The following PARN variants were observed in gnomAD, a reference collection of about 807,000 sequenced individuals.
PARN encodes the protein poly(A)-specific ribonuclease, also known as poly(A)-specific ribonuclease PARN.
PARN carries 71 observed loss-of-function variants against 102.8 expected under a neutral mutation model. That is an observed-to-expected ratio of 0.69 (90% CI 0.57 to 0.84). The LOEUF is 0.84. Among genes scored for constraint, PARN ranks in the 40% least tolerant of loss-of-function variants. PARN has a pLI of 0.00. For missense variants in PARN, 782 were observed against 760.9 expected (o/e 1.03, Z -0.33); for synonymous variants, 261 against 252.9 (o/e 1.03, Z -0.30).
At chr16:14,622,304 G>C (rs1272103890) in intron 5 of PARN, among the ~76,000 whole-genome samples, 1 of 152,140 alleles carries the variant, frequency 6.6e-6, no homozygotes. Context: ...TCTCCTTCTA[G>C]GAAATCTACA....
chr16:14,523,529 C>T (rs1965846022), intron 21 of PARN, among the ~76,000 whole-genome samples: 1 of 152,162 alleles, frequency 6.6e-6, no homozygotes, highest in Non-Finnish European at 1.5e-5. Flanking sequence ...CAAATTAGAG[C>T]AATCTCTGCT....
At chr16:14,552,406 A>AT (rs1247327284) in intron 20 of PARN, among the ~76,000 whole-genome samples, 2 of 152,212 alleles carry the variant, frequency 1.3e-5, no homozygotes, top group Non-Finnish European at 2.9e-5. Context: ...CAATACTAGG[A>AT]TTAGGGACTT....
At chr16:14,460,552 A>C (rs1056995913) in intron 22 of PARN, among the ~76,000 whole-genome samples, 2 of 152,174 alleles carry the variant, frequency 1.3e-5, no homozygotes, top group Non-Finnish European at 1.5e-5. Context: ...CTCACCTTGA[A>C]ATCAAAGAAA....
intron 18 of PARN, among the ~76,000 whole-genome samples, chr16:14,563,873 G>A (rs567453635): frequency 6.6e-6 from 1 of 151,866 alleles, no homozygotes; most frequent in African/African-American, 2.4e-5. Flanking sequence ...TGGGATTTTT[G>A]TGTTTTAAAA....
chr16:14,607,328 C>T (rs1049827129), intron 9 of PARN, among the ~76,000 whole-genome samples: 25 of 151,998 alleles, frequency 1.6e-4, no homozygotes, highest in Admixed American at 7.9e-4. Context: ...CTGCCTTTGC[C>T]TCCCAAGTAG....
At chr16:14,626,838 C>T (rs1403326910) in intron 5 of PARN, among the ~76,000 whole-genome samples, 2 of 151,786 alleles carry the variant, frequency 1.3e-5, no homozygotes, top group African/African-American at 2.4e-5. Context: ...AGGATGGTCT[C>T]GATCTCCTGA....
At chr16:14,439,914 C>A (rs1198709430) in intron 23 of PARN, among the ~76,000 whole-genome samples, 2 of 152,108 alleles carry the variant, frequency 1.3e-5, no homozygotes, top group East Asian at 3.9e-4. Flanking sequence ...ACTCAGGAGG[C>A]TGAGGCAGGA....
At chr16:14,546,031 G>A (rs1467213135) in intron 21 of PARN, among the ~76,000 whole-genome samples, 3 of 152,124 alleles carry the variant, frequency 2.0e-5, no homozygotes, top group African/African-American at 2.4e-5. Context: ...AGCCAAAAGC[G>A]TTCTTGAGAG....
intron 5 of PARN, among the ~76,000 whole-genome samples, chr16:14,622,825 C>G (rs1287643511): frequency 1.3e-5 from 2 of 152,138 alleles, no homozygotes; most frequent in African/African-American, 4.8e-5. Flanking sequence ...CAATGTAAGC[C>G]TGGCGCAGTG....
At chr16:14,443,694 T>C (rs1961058801) in intron 23 of PARN, among the ~76,000 whole-genome samples, 1 of 152,230 alleles carries the variant, frequency 6.6e-6, no homozygotes, top group Non-Finnish European at 1.5e-5. Flanking sequence ...TCAGTTGTTC[T>C]GGGATTGCTA....
At chr16:14,472,919 A>C (rs1768527054) in intron 22 of PARN, among the ~76,000 whole-genome samples, 1 of 152,188 alleles carries the variant, frequency 6.6e-6, no homozygotes, top group African/African-American at 2.4e-5. Context: ...ATACAACCAT[A>C]ATATTATACA....
At chr16:14,626,979 C>T (rs1972713295) in intron 5 of PARN, 127 bp downstream of exon 5, 2 of 648,608 alleles carry the variant, frequency 3.1e-6, no homozygotes, top group Non-Finnish European at 5.5e-6. Flanking sequence ...TACCCTAAAA[C>T]TGAAGGTCAA....
chr16:14,437,545 C>T (rs377418627), intron 23 of PARN, among the ~76,000 whole-genome samples: 2 of 152,284 alleles, frequency 1.3e-5, no homozygotes, highest in South Asian at 2.1e-4. Context: ...TTCTACAATA[C>T]GAGCAGCTGC....
intron 21 of PARN, among the ~76,000 whole-genome samples, chr16:14,496,858 C>A (rs1964341903): frequency 6.6e-6 from 1 of 152,180 alleles, no homozygotes; most frequent in African/African-American, 2.4e-5. Flanking sequence ...TATTCTATAT[C>A]CTAAAACATT....
chr16:14,621,847 G>A (rs544929739), intron 5 of PARN, among the ~76,000 whole-genome samples: 51 of 150,784 alleles, frequency 3.4e-4, no homozygotes, highest in African/African-American at 1.2e-3. Flanking sequence ...AAAACCTTTT[G>A]GAGTTTACTA....
At chr16:14,454,122 G>A (rs1961579753) in intron 22 of PARN, among the ~76,000 whole-genome samples, 1 of 152,204 alleles carries the variant, frequency 6.6e-6, no homozygotes, top group African/African-American at 2.4e-5. Context: ...TATATTATAA[G>A]AGTACATATG....
chr16:14,511,184 T>C (rs778905435), intron 21 of PARN, among the ~76,000 whole-genome samples: 3 of 152,368 alleles, frequency 2.0e-5, no homozygotes, highest in Non-Finnish European at 4.4e-5. Context: ...AACTCACTGC[T>C]AGCTTAAAGC....
intron 21 of PARN, among the ~76,000 whole-genome samples, chr16:14,517,482 C>T (rs539858082): frequency 6.6e-6 from 1 of 152,226 alleles, no homozygotes; most frequent in South Asian, 2.1e-4. Context: ...GCCTAGGCAA[C>T]CTATGGAATT....
chr16:14,582,919 A>G (rs35767715), intron 16 of PARN, among the ~76,000 whole-genome samples: 3,921 of 152,302 alleles, frequency 0.026, 73 homozygotes, highest in South Asian at 0.039. Flanking sequence ...ACTGTTATCT[A>G]TCAATACCTG....
Sources: gnomAD v4.1 joint callset for allele counts (sites outside exome capture counted in the v4.1 genomes callset) on GRCh38, gnomAD v4.1.1 for gene constraint, MANE v1.5 for transcripts, NCBI Gene and HGNC (gene_info 2026-07-23, HGNC 2026-07-21) for gene names.